Variants in C12orf75 observed in about 807,000 individuals in gnomAD.
C12orf75 encodes overexpressed in colon carcinoma 1 protein.
In C12orf75, 4 loss-of-function variants were observed where a neutral mutation model predicts 11.4. The observed-to-expected ratio is 0.35, with a 90% CI of 0.17 to 0.80. C12orf75 has a LOEUF of 0.80. Ranked by LOEUF, C12orf75 falls within the 30% of genes least tolerant of loss-of-function variation. The pLI is 0.52. For missense variants in C12orf75, 89 were observed against 80.4 expected, an observed-to-expected ratio of 1.11 and a Z score of -0.41; for synonymous variants, 30 against 30.0, an observed-to-expected ratio of 1.00 and a Z score of 0.00.
intron 1 of C12orf75, among the ~76,000 whole-genome samples, chr12:105,331,591 A>AAC (rs71440581): frequency 0.035 from 5,265 of 149,200 alleles, 99 homozygotes; most frequent in African/African-American, 0.054. Flanking sequence ...CTTTTCATTA[A>AAC]ACACACACAC....
chr12:105,362,006 T>G (rs1484222498), intron 2 of C12orf75, among the ~76,000 whole-genome samples: 1 of 152,202 alleles, frequency 6.6e-6, no homozygotes. Context: ...CTGGCAGCAG[T>G]TAGAGGTTGT....
At position 105,370,839 on chromosome 12, in the gene C12orf75, C is replaced by T; in HGVS notation, c.*239C>T. On this transcript the variant is annotated 3_prime_UTR_variant, in exon 6 of 6. Coordinates refer to ENST00000443585, the MANE Select transcript of C12orf75 (RefSeq NM_001145199.2). ...TTGTTTATGGAACTTTCTGTGGCCA[C>T]CTACGAAAGACAAGTTAACAAACTG... 5.1e-6 allele frequency: 2 copies of T among 392,908 alleles called. No homozygotes were observed. The highest frequency in any genetic ancestry group is 3.8e-5 in the South Asian group (2 of 52,254). 24.3% of individuals were successfully genotyped at this position (392,908 alleles called of 1,614,324 possible). A position where few individuals can be genotyped will look rare whatever the true frequency, so the allele number is the denominator to read the frequency against.
At chr12:105,355,524 G>T (rs1892769327) in intron 2 of C12orf75, among the ~76,000 whole-genome samples, 1 of 152,098 alleles carries the variant, frequency 6.6e-6, no homozygotes, top group African/African-American at 2.4e-5. Context: ...AAAAACTTTG[G>T]GTCAGGGTCA....
intron 2 of C12orf75, among the ~76,000 whole-genome samples, chr12:105,356,128 A>G (rs1892777916): frequency 6.6e-6 from 1 of 152,272 alleles, no homozygotes; most frequent in Admixed American, 6.5e-5. Context: ...ATGGTAAAAC[A>G]TAATTCATTG....
chr12:105,362,476 G>A (rs1434433283), intron 2 of C12orf75, among the ~76,000 whole-genome samples: 2 of 149,450 alleles, frequency 1.3e-5, no homozygotes, highest in Non-Finnish European at 1.5e-5. Context: ...GACCATCCTG[G>A]CTAACATGGT....
At chr12:105,331,434 A>G (rs1268051217) in intron 1 of C12orf75, among the ~76,000 whole-genome samples, 2 of 152,128 alleles carry the variant, frequency 1.3e-5, no homozygotes, top group Non-Finnish European at 2.9e-5. Context: ...GGGGAGAACT[A>G]GAAGCAGAGC....
At chr12:105,336,430 T>G (rs962725414) in intron 1 of C12orf75, among the ~76,000 whole-genome samples, 3 of 152,234 alleles carry the variant, frequency 2.0e-5, no homozygotes, top group Non-Finnish European at 2.9e-5. Context: ...TATTGTAGAT[T>G]CAGTGAGTTA....
chr12:105,361,847 C>T (rs941162038), intron 2 of C12orf75, among the ~76,000 whole-genome samples: 3 of 152,184 alleles, frequency 2.0e-5, no homozygotes, highest in Non-Finnish European at 2.9e-5. Flanking sequence ...TTGGTTTAGA[C>T]CAACCACCGC....
intron 1 of C12orf75, among the ~76,000 whole-genome samples, chr12:105,333,599 G>A (rs1892464735): frequency 6.6e-6 from 1 of 152,196 alleles, no homozygotes; most frequent in Admixed American, 6.5e-5. Context: ...TTAAGCTTAG[G>A]TTTGGTGCTG....
intron 3 of C12orf75, 31 bp from the exon 4 acceptor site, chr12:105,366,586 A>G: frequency 1.7e-6 from 2 of 1,156,088 alleles, no homozygotes; most frequent in Non-Finnish European, 2.5e-6. Flanking sequence ...AGATAGTACC[A>G]TTTAAATTGG....
intron 2 of C12orf75, among the ~76,000 whole-genome samples, chr12:105,362,824 T>G (rs970187877): frequency 2.6e-5 from 4 of 152,224 alleles, no homozygotes; most frequent in Non-Finnish European, 5.9e-5. Flanking sequence ...GTAAGTTCGG[T>G]CATGCTACTC....
chr12:105,345,206 A>G (rs968886377), intron 1 of C12orf75, among the ~76,000 whole-genome samples: 2 of 152,196 alleles, frequency 1.3e-5, no homozygotes, highest in African/African-American at 4.8e-5. Context: ...GAAAGAAGTC[A>G]GGCCAGGTGT....
At chr12:105,358,543 A>G (rs1892817420) in intron 2 of C12orf75, among the ~76,000 whole-genome samples, 1 of 152,172 alleles carries the variant, frequency 6.6e-6, no homozygotes, top group Admixed American at 6.5e-5. Flanking sequence ...AAACAATAAT[A>G]ATAAATAAAT....
In C12orf75 at chr12:105,365,843, G is replaced by T. The variant is rs1226988649; in HGVS notation, c.107+1G>T. The stretch of plus-strand genomic sequence containing the variant: ...CCGTAACAGAAGATGACAAGAGGAG[G>T]TATGTTTGGTATTGCAGCTGGCTTT... On this transcript the variant is annotated splice_donor_variant, in intron 3 of 5. Transcript: ENST00000443585. LOFTEE classifies it high-confidence loss of function. 4 of 1,545,034 alleles carry T rather than the reference G, an allele frequency of 2.6e-6. No individual in the cohort carries two copies. Among genetic ancestry groups the T allele is most frequent in the Non-Finnish European group, 3.5e-6 (4 of 1,141,104 alleles).
Position 105,355,775 on chromosome 12 carries a change from T to G in C12orf75, c.71+7149T>G, listed in dbSNP as rs1362209002. ...TTTCTTAAGGTAAGGAGATGAAGAGTGCACCCTTGCCTTATAGCAAATGAT... is the reference window on the plus strand; with the variant it reads ...TTTCTTAAGGTAAGGAGATGAAGAGGGCACCCTTGCCTTATAGCAAATGAT... On this transcript the variant is annotated intron_variant, in intron 2 of 5. Transcript: ENST00000443585. 2.0e-5 allele frequency among the ~76,000 whole-genome samples: 3 copies of G among 152,080 alleles called. No individual in the cohort carries two copies. The East Asian group carries it at 5.8e-4, about 29-fold the overall frequency.
In C12orf75 at chr12:105,366,614, A is replaced by T; in HGVS notation, c.108-3A>T. The T allele has an allele frequency of 6.7e-7, 1 of 1,495,914 alleles. No individual in the cohort carries two copies. 92.7% of individuals were successfully genotyped at this position (1,495,914 alleles called of 1,614,324 possible). On this transcript the variant is annotated splice_region_variant and splice_polypyrimidine_tract_variant and intron_variant, in intron 3 of 5. Transcript: ENST00000443585. ...TAAATTGGTTTGATTTCTTTTTATC[A>T]AGAAACTATGGAGGAGTATATGTTG...
intron 1 of C12orf75, among the ~76,000 whole-genome samples, chr12:105,332,849 G>A (rs768049692): frequency 1.8e-4 from 27 of 150,814 alleles, no homozygotes; most frequent in Non-Finnish European, 3.2e-4. Context: ...ATTTCTTGGG[G>A]AAATATGATT....
chr12:105,350,164 T>C (rs1892692933), intron 2 of C12orf75, among the ~76,000 whole-genome samples: 2 of 152,254 alleles, frequency 1.3e-5, no homozygotes, highest in South Asian at 4.1e-4. Flanking sequence ...AATTTCTATA[T>C]GTGTTGCCAG....
intron 2 of C12orf75, among the ~76,000 whole-genome samples, chr12:105,354,680 G>A (rs1317829834): frequency 6.6e-6 from 1 of 150,892 alleles, no homozygotes; most frequent in Non-Finnish European, 1.5e-5. Context: ...GCCTTGCTGT[G>A]GTTAGAAATC....
Sources: allele counts gnomAD v4.1 joint callset (sites outside exome capture counted in the v4.1 genomes callset), GRCh38; gene constraint gnomAD v4.1.1; transcripts MANE v1.5; gene names NCBI Gene and HGNC (gene_info 2026-07-23, HGNC 2026-07-21).